The following SCARA5 variants were observed in gnomAD, a reference collection of about 807,000 sequenced individuals.
SCARA5 encodes the protein scavenger receptor class A member 5.
In SCARA5, 45 loss-of-function variants were observed where a neutral mutation model predicts 46.3. The ratio of observed to expected loss-of-function variants is 0.97; its 90% confidence interval spans 0.76 to 1.24. The LOEUF is 1.24. Among genes scored for constraint, SCARA5 ranks in the 50% most tolerant of loss-of-function variants. The pLI is 0.00. For missense variants in SCARA5, 680 were observed against 689.0 expected (o/e 0.99, Z 0.15); for synonymous variants, 333 against 306.5 (o/e 1.09, Z -0.90).
chr8:27,918,602 A>G (rs13261911), intron 4 of SCARA5, among the ~76,000 whole-genome samples: 24 of 142,840 alleles, frequency 1.7e-4, no homozygotes, highest in Non-Finnish European at 2.1e-4. Context: ...AGAGGAGGAG[A>G]AGGAGGAGGA....
chr8:27,953,674 G>C lies in SCARA5; in HGVS notation c.241+12740C>G, dbSNP rs180981876. On this transcript the variant is annotated intron_variant, in intron 3 of 8. Transcript: ENST00000354914. Reference sequence around the variant, plus strand: ...CTCAGAGTTATGAGAACACACATGAGATGCATGGCGAAGCCCAAAGGCAGA... The same window carrying C: ...CTCAGAGTTATGAGAACACACATGACATGCATGGCGAAGCCCAAAGGCAGA... 3.3e-5 allele frequency among the ~76,000 whole-genome samples: 5 copies of C among 152,334 alleles called. No individual in the cohort carries two copies. In the East Asian group the frequency reaches 9.7e-4, roughly 29 times the overall value.
intron 3 of SCARA5, among the ~76,000 whole-genome samples, chr8:27,960,203 A>G (rs1808273197): frequency 6.7e-6 from 1 of 148,944 alleles, no homozygotes; most frequent in South Asian, 2.1e-4. Flanking sequence ...TAAAGACAGG[A>G]TCTCGCTCTG....
At chr8:27,976,724 C>A (rs544360573) in intron 2 of SCARA5, among the ~76,000 whole-genome samples, 1 of 152,144 alleles carries the variant, frequency 6.6e-6, no homozygotes, top group Non-Finnish European at 1.5e-5. Context: ...CTGAGTCATC[C>A]GTGTCCCTGA....
At chr8:27,904,711 G>A (rs1267924538) in intron 7 of SCARA5, 67 bp downstream of exon 7, 2 of 1,406,952 alleles carry the variant, frequency 1.4e-6, no homozygotes, top group Admixed American at 3.3e-5. Context: ...AAACTTATGG[G>A]GCTGCTTGGG....
chr8:27,916,416 C>T (rs1303670660), intron 4 of SCARA5, among the ~76,000 whole-genome samples: 2 of 151,974 alleles, frequency 1.3e-5, no homozygotes, highest in East Asian at 1.9e-4. Context: ...TATGTGCAAA[C>T]GTGTACACAT....
chr8:27,984,832 C>T (rs1295290236), intron 2 of SCARA5, among the ~76,000 whole-genome samples: 1 of 152,088 alleles, frequency 6.6e-6, no homozygotes, highest in Non-Finnish European at 1.5e-5. Flanking sequence ...TTCATCTATC[C>T]ATCTATTCAT....
At chr8:27,940,785 T>TCCAC (rs1213536387) in intron 3 of SCARA5, among the ~76,000 whole-genome samples, 33 of 132,252 alleles carry the variant, frequency 2.5e-4, no homozygotes, top group African/African-American at 9.2e-4. Flanking sequence ...CATCCATCCA[T>TCCAC]CCATCCATCC....
intron 7 of SCARA5, among the ~76,000 whole-genome samples, chr8:27,896,664 T>C (rs1162552064): frequency 1.3e-5 from 2 of 152,088 alleles, no homozygotes; most frequent in Non-Finnish European, 2.9e-5. Context: ...AAGTGACTTT[T>C]CAAACCTCTG....
intron 2 of SCARA5, among the ~76,000 whole-genome samples, chr8:27,985,769 G>A (rs1351575802): frequency 1.3e-5 from 2 of 152,340 alleles, no homozygotes; most frequent in East Asian, 3.9e-4. Flanking sequence ...CTGCACCTGG[G>A]CCCTAGCATC....
At chr8:27,884,249 C>T (rs1172316704) in intron 7 of SCARA5, among the ~76,000 whole-genome samples, 1 of 152,174 alleles carries the variant, frequency 6.6e-6, no homozygotes, top group African/African-American at 2.4e-5. Context: ...TCAGGCTGTC[C>T]CCAAACAGGC....
chr8:27,879,890 A>C, intron 7 of SCARA5, 124 bp from the exon 8 acceptor site: 1 of 866,426 alleles, frequency 1.2e-6, no homozygotes, highest in African/African-American at 1.7e-5. Flanking sequence ...AGCTGTATCA[A>C]GACTTCAGCC....
intron 2 of SCARA5, among the ~76,000 whole-genome samples, chr8:27,985,535 A>T (rs1808692880): frequency 6.6e-6 from 1 of 152,208 alleles, no homozygotes; most frequent in Non-Finnish European, 1.5e-5. Flanking sequence ...CACACTCCTA[A>T]TTCAATGGCC....
chr8:27,917,669 C>T lies in SCARA5; in HGVS notation c.916+3902G>A, dbSNP rs191186723. On this transcript the variant is annotated intron_variant, in intron 4 of 8. Transcript: ENST00000354914. ...TCATCTATAAAGTGGGCAATAAGAC[C>T]TTTTTGCAGGATGTGAGGATTCGTG... Among the ~76,000 whole-genome samples, 1,103 of 152,262 alleles carry T rather than the reference C, an allele frequency of 7.2e-3. 11 individuals are homozygous for T. The highest frequency in any genetic ancestry group is 0.01 in the Non-Finnish European group (686 of 68,018).
chr8:27,888,088 G>T (rs533192426), intron 7 of SCARA5, among the ~76,000 whole-genome samples: 2 of 152,146 alleles, frequency 1.3e-5, no homozygotes, highest in South Asian at 4.2e-4. Context: ...ACAAGGTCTG[G>T]CTCTGTCACC....
intron 2 of SCARA5, among the ~76,000 whole-genome samples, chr8:27,969,313 A>G (rs1471454231): frequency 6.6e-6 from 1 of 152,250 alleles, no homozygotes; most frequent in African/African-American, 2.4e-5. Context: ...TTTGTTAAAA[A>G]TAATTTTTTT....
At chr8:27,986,214 T>C (rs1283519492) in intron 2 of SCARA5, among the ~76,000 whole-genome samples, 1 of 152,214 alleles carries the variant, frequency 6.6e-6, no homozygotes, top group Non-Finnish European at 1.5e-5. Context: ...GTGTGAGCCT[T>C]ACAGAAACCT....
chr8:27,872,644 C>G (rs571427120), intron 8 of SCARA5, among the ~76,000 whole-genome samples: 2 of 152,306 alleles, frequency 1.3e-5, no homozygotes, highest in South Asian at 4.1e-4. Context: ...AGCTGTAGCT[C>G]TTACACAATA....
chr8:27,892,228 G>A (rs1806995710), intron 7 of SCARA5, among the ~76,000 whole-genome samples: 1 of 152,358 alleles, frequency 6.6e-6, no homozygotes. Flanking sequence ...AAAGGGCAGT[G>A]GCCCCCAGAA....
At chr8:27,962,524 C>T (rs558103877) in intron 3 of SCARA5, among the ~76,000 whole-genome samples, 7 of 152,250 alleles carry the variant, frequency 4.6e-5, no homozygotes, top group Non-Finnish European at 1.0e-4. Context: ...GCATTATGCT[C>T]CTATTCCCAA....
Sources: gnomAD v4.1 joint callset for allele counts (sites outside exome capture counted in the v4.1 genomes callset) on GRCh38, gnomAD v4.1.1 for gene constraint, MANE v1.5 for transcripts, NCBI Gene and HGNC (gene_info 2026-07-23, HGNC 2026-07-21) for gene names.